MECOM: variants seen among roughly 807,000 people sequenced by gnomAD.
The protein encoded by MECOM is histone-lysine N-methyltransferase MECOM.
In MECOM, 13 loss-of-function variants were observed where a neutral mutation model predicts 116.3. The ratio of observed to expected loss-of-function variants is 0.11; its 90% CI spans 0.07 to 0.18. The LOEUF is 0.18. MECOM is among the 10% of genes least tolerant of loss of function. The pLI, the probability that MECOM is intolerant of heterozygous loss-of-function variation, is 1.00. For missense variants in MECOM, 1,299 were observed against 1,509.0 expected (o/e 0.86, Z 2.31); for synonymous variants, 528 against 535.2 (o/e 0.99, Z 0.19).
Position 169,498,046 on chromosome 3 carries a change from C to T in MECOM, c.38-116522G>A, listed in dbSNP as rs181091270. On this transcript the variant is annotated intron_variant, in intron 1 of 16. Transcript: ENST00000651503. ...CTCCTTCAGACTTCAACTGAATATG[C>T]GCTTTATTTCTGTTCTCTCTATTGA... Among the ~76,000 whole-genome samples, 17 of 152,294 alleles carry T rather than the reference C, an allele frequency of 1.1e-4. No individual in the cohort carries two copies. The East Asian group carries it at 1.3e-3, about 12-fold the overall frequency.
intron 14 of MECOM, among the ~76,000 whole-genome samples, chr3:169,092,201 G>T (rs1719942163): frequency 6.6e-6 from 1 of 151,980 alleles, no homozygotes; most frequent in African/African-American, 2.4e-5. Flanking sequence ...TGTTGGTGAT[G>T]ATAAAAGGGA....
chr3:169,513,435 G>A lies in MECOM; in HGVS notation c.38-131911C>T, dbSNP rs1328911406. ...TAACTTGCTTCACTCACTGTGATGA[G>A]CTGCATAGTTCAGAAGGCAATAGTT... On this transcript the variant is annotated intron_variant, in intron 1 of 16. Transcript: ENST00000651503. Among the ~76,000 whole-genome samples, 8 of 152,326 alleles carry A rather than the reference G, an allele frequency of 5.3e-5. No individual in the cohort carries two copies. The East Asian group carries it at 1.5e-3, about 29-fold the overall frequency.
chr3:169,565,177 G>A (rs1763084940), intron 1 of MECOM, among the ~76,000 whole-genome samples: 1 of 152,104 alleles, frequency 6.6e-6, no homozygotes, highest in African/African-American at 2.4e-5. Flanking sequence ...ACTCCACGAG[G>A]GGAGAACTAC....
At chr3:169,351,812 C>G (rs1027924057) in intron 2 of MECOM, among the ~76,000 whole-genome samples, 1 of 151,828 alleles carries the variant, frequency 6.6e-6, no homozygotes, top group African/African-American at 2.4e-5. Context: ...CCTACCACCC[C>G]CATCTTCATT....
intron 4 of MECOM, among the ~76,000 whole-genome samples, chr3:169,130,459 G>A (rs1034925711): frequency 4.8e-5 from 3 of 62,688 alleles, no homozygotes; most frequent in Non-Finnish European, 1.0e-4. Flanking sequence ...AGCGCCCCCC[G>A]CCCCCGCCGC....
intron 2 of MECOM, among the ~76,000 whole-genome samples, chr3:169,212,031 T>G (rs1559998884): frequency 6.6e-6 from 1 of 152,146 alleles, no homozygotes; most frequent in Admixed American, 6.6e-5. Flanking sequence ...TTTCATTTTC[T>G]CTATCTGCAT....
chr3:169,379,233 A>T (rs1731995142), intron 2 of MECOM, among the ~76,000 whole-genome samples: 1 of 152,002 alleles, frequency 6.6e-6, no homozygotes, highest in Non-Finnish European at 1.5e-5. Context: ...CCAAAATTAC[A>T]AAAAGTCATT....
At chr3:169,254,561 T>A (rs1358445175) in intron 2 of MECOM, among the ~76,000 whole-genome samples, 1 of 152,190 alleles carries the variant, frequency 6.6e-6, no homozygotes, top group Non-Finnish European at 1.5e-5. Context: ...AACCACAGTT[T>A]CTGTACATTT....
chr3:169,460,233 G>T (rs1482415148), intron 1 of MECOM, among the ~76,000 whole-genome samples: 2 of 152,068 alleles, frequency 1.3e-5, no homozygotes, highest in Non-Finnish European at 2.9e-5. Context: ...GGAAAAAAAA[G>T]AATAGCTTTC....
chr3:169,368,686 T>C (rs1210402949), intron 2 of MECOM, among the ~76,000 whole-genome samples: 1 of 152,038 alleles, frequency 6.6e-6, no homozygotes, highest in Admixed American at 6.6e-5. Context: ...AATATTCTGA[T>C]GCAGTGGTCT....
At chr3:169,469,829 C>T (rs1433589424) in intron 1 of MECOM, among the ~76,000 whole-genome samples, 1 of 152,156 alleles carries the variant, frequency 6.6e-6, no homozygotes, top group Non-Finnish European at 1.5e-5. Context: ...ATTAATAACT[C>T]ACTTTCTCTA....
intron 1 of MECOM, among the ~76,000 whole-genome samples, chr3:169,632,066 C>A (rs1772162997): frequency 6.6e-6 from 1 of 152,126 alleles, no homozygotes; most frequent in African/African-American, 2.4e-5. Flanking sequence ...TCTACACCAG[C>A]ACTTGGTTTG....
chr3:169,492,194 C>G (rs184575563), intron 1 of MECOM, among the ~76,000 whole-genome samples: 9 of 152,168 alleles, frequency 5.9e-5, no homozygotes, highest in Admixed American at 4.6e-4. Context: ...AGATATGAGG[C>G]TATTTAGATA....
intron 2 of MECOM, chr3:169,146,714 T>A (rs1740062218): frequency 8.1e-7 from 1 of 1,231,702 alleles, no homozygotes. Flanking sequence ...AAGTGAGGAG[T>A]TCTCTTACCT....
intron 14 of MECOM, 50 bp downstream of exon 14, chr3:169,092,908 C>G (rs748643855): frequency 6.2e-7 from 1 of 1,609,012 alleles, no homozygotes; most frequent in Admixed American, 1.7e-5. Context: ...TATTTTAAAA[C>G]ATGTTCATTT....
intron 2 of MECOM, among the ~76,000 whole-genome samples, chr3:169,263,119 A>C (rs374222096): frequency 6.4e-5 from 2 of 31,350 alleles, no homozygotes; most frequent in South Asian, 9.9e-4. Context: ...ATATATATAT[A>C]TATATATATG....
At chr3:169,592,440 C>T (rs533295708) in intron 1 of MECOM, among the ~76,000 whole-genome samples, 9 of 152,310 alleles carry the variant, frequency 5.9e-5, no homozygotes, top group African/African-American at 2.2e-4. Flanking sequence ...ACTGCCCTCA[C>T]GCCCACCCTG....
rs189793652 is a variant in MECOM, at chr3:169,202,842, G to C, written c.376-59010C>G. ...AGCAAAAAAAAAAAAAAAAAAAAAA[G>C]AGTTAACAATTAAGTCCAACTTTCT... On this transcript the variant is annotated intron_variant, in intron 2 of 16. Coordinates refer to ENST00000651503, the MANE Select transcript of MECOM (RefSeq NM_004991.4). 2.6e-3 allele frequency among the ~76,000 whole-genome samples: 301 copies of C among 117,736 alleles called. 5 individuals carry two copies. In the East Asian group the frequency reaches 0.034, roughly 13 times the overall value. 77.2% of individuals were successfully genotyped at this position (117,736 alleles called of 152,430 possible).
chr3:169,287,502 A>G (rs1713566365), intron 2 of MECOM, among the ~76,000 whole-genome samples: 1 of 152,236 alleles, frequency 6.6e-6, no homozygotes, highest in African/African-American at 2.4e-5. Context: ...TATTAAAAAA[A>G]TAAAAAACAA....
Sources: allele counts gnomAD v4.1 joint callset (sites outside exome capture counted in the v4.1 genomes callset), GRCh38; gene constraint gnomAD v4.1.1; transcripts MANE v1.5; gene names NCBI Gene and HGNC (gene_info 2026-07-23, HGNC 2026-07-21).